The following GPI variants were observed in gnomAD, a reference collection of about 807,000 sequenced individuals.
GPI encodes the protein D-hexose-6-phosphate anomerase.
GPI carries 56 observed loss-of-function variants against 75.8 expected under a neutral mutation model. That is an observed-to-expected ratio of 0.74 (90% confidence interval 0.60 to 0.92). The LOEUF (loss-of-function observed/expected upper bound fraction) is 0.92. Ranked by LOEUF, GPI falls within the 40% of genes least tolerant of loss-of-function variation. GPI has a pLI of 0.00. For missense variants in GPI, 638 were observed against 741.0 expected (o/e 0.86, Z 1.61); for synonymous variants, 288 against 285.4 (o/e 1.01, Z -0.09).
chr19:34,386,477 TGAA>T (rs1284052072), intron 9 of GPI, among the ~76,000 whole-genome samples: 2 of 152,088 alleles, frequency 1.3e-5, no homozygotes, highest in African/African-American at 4.8e-5. Flanking sequence ...AGTAGTCTCT[TGAA>T]GGAGAGCTGA....
intron 4 of GPI, 57 bp downstream of exon 4, chr19:34,368,759 T>C (rs2074406107): frequency 6.2e-7 from 1 of 1,607,340 alleles, no homozygotes; most frequent in Non-Finnish European, 8.5e-7. Flanking sequence ...TATTTGGGAA[T>C]CTGGGAGCCC....
chr19:34,371,547 T>A (rs970311025), intron 4 of GPI, among the ~76,000 whole-genome samples: 1 of 152,020 alleles, frequency 6.6e-6, no homozygotes, highest in Non-Finnish European at 1.5e-5. Context: ...TGGGTGTAAT[T>A]GTAATAAAGA....
chr19:34,387,852 A>G lies in GPI; in HGVS notation c.805-5396A>G, dbSNP rs138664437. ...TGGGTGGGGTCTAGCACAGGAATGC[A>G]TAATGGTGAGGCTGGCCAGGCCTGG... On this transcript the variant is annotated intron_variant, in intron 9 of 17. Coordinates refer to ENST00000356487, the MANE Select transcript of GPI (RefSeq NM_000175.5). 2.6e-4 allele frequency among the ~76,000 whole-genome samples: 39 copies of G among 152,292 alleles called. No homozygotes were observed. In the East Asian group the frequency reaches 7.5e-3, roughly 29 times the overall value.
Position 34,365,197 on chromosome 19 carries a change from C to T in GPI, c.-70C>T, listed in dbSNP as rs944710510. 20 of 1,382,626 alleles carry T rather than the reference C, an allele frequency of 1.4e-5. No homozygotes were observed. The highest frequency in any genetic ancestry group is 2.2e-4 in the Middle Eastern group (1 of 4,496). 85.6% of individuals were successfully genotyped at this position (1,382,626 alleles called of 1,614,324 possible). On this transcript the variant is annotated 5_prime_UTR_variant, in exon 1 of 18. Coordinates refer to ENST00000356487, the MANE Select transcript of GPI (RefSeq NM_000175.5). ...GGCCGCCGCGCGCCCACGCGCCTCG[C>T]TTGCTGCGCGCTGCCGGCGCTCCTT...
At chr19:34,374,217 C>G (rs1309029477) in intron 4 of GPI, among the ~76,000 whole-genome samples, 1 of 147,562 alleles carries the variant, frequency 6.8e-6, no homozygotes, top group Non-Finnish European at 1.5e-5. Context: ...CTCCTGATCT[C>G]AAGTGATCCG....
chr19:34,390,764 T>C (rs961157510), intron 9 of GPI, among the ~76,000 whole-genome samples: 2 of 141,930 alleles, frequency 1.4e-5, no homozygotes, highest in African/African-American at 5.4e-5. Flanking sequence ...GGCACAGGTA[T>C]GAGGATATGG....
chr19:34,383,792 A>C (rs1331372095), intron 9 of GPI, among the ~76,000 whole-genome samples: 2 of 152,142 alleles, frequency 1.3e-5, no homozygotes, highest in East Asian at 3.9e-4. Context: ...AGGGCCAGAG[A>C]CCTGGGTCTA....
chr19:34,399,485 A>G, intron 15 of GPI, 71 bp from the exon 16 acceptor site: 1 of 1,565,654 alleles, frequency 6.4e-7, no homozygotes, highest in Non-Finnish European at 8.8e-7. Context: ...CCTCTGGGGC[A>G]GGGTGTGCTT....
Position 34,400,736 on chromosome 19 carries a change from A to ATTT in GPI, c.*710_*712dup. ...TAAAAGGCAGATATTGAAAACTGGA[A>ATTT]TTTTTTTTTTTTGAGTCTCGCTCTG... On this transcript the variant is annotated 3_prime_UTR_variant, in exon 18 of 18. Transcript: ENST00000356487. 2 of 330,658 alleles carry ATTT rather than the reference A, an allele frequency of 6.0e-6. No individual in the cohort carries two copies. The highest frequency in any genetic ancestry group is 5.4e-6 in the Non-Finnish European group (1 of 183,814). 20.5% of individuals were successfully genotyped at this position (330,658 alleles called of 1,614,324 possible).
At chr19:34,384,745 T>G (rs1310178235) in intron 9 of GPI, among the ~76,000 whole-genome samples, 1 of 152,032 alleles carries the variant, frequency 6.6e-6, no homozygotes, top group Non-Finnish European at 1.5e-5. Flanking sequence ...CCAGGTGGTG[T>G]CAAGACAGAT....
At chr19:34,395,218 T>C (rs2074926733) in intron 12 of GPI, among the ~76,000 whole-genome samples, 1 of 152,042 alleles carries the variant, frequency 6.6e-6, no homozygotes, top group Non-Finnish European at 1.5e-5. Context: ...CATTTAGTTG[T>C]GGTGACAGCC....
At position 34,393,573 on chromosome 19, in the gene GPI, C is replaced by T. The variant is rs891758123; in HGVS notation, c.866-155C>T. 1.3e-5 allele frequency: 10 copies of T among 762,342 alleles called. No individual in the cohort carries two copies. The Admixed American group carries it at 1.8e-4, about 14-fold the overall frequency. 47.2% of individuals were successfully genotyped at this position (762,342 alleles called of 1,614,324 possible). On this transcript the variant is annotated intron_variant, in intron 10 of 17. Coordinates refer to ENST00000356487, the MANE Select transcript of GPI (RefSeq NM_000175.5). The surrounding 1 kb of genome is among the most constrained non-coding windows in gnomAD (Gnocchi z 4.4). ...AGTCAGATCCCTGCACTCAGGGCCA[C>T]CTCTCACTGGAGGGGCTTTGTCTAG...
chr19:34,376,255 C>G (rs1301961379), intron 4 of GPI, among the ~76,000 whole-genome samples: 2 of 152,092 alleles, frequency 1.3e-5, no homozygotes, highest in Admixed American at 1.3e-4. Flanking sequence ...AAGACGCTGT[C>G]TCTACAAAAA....
At chr19:34,374,287 T>A (rs2074500249) in intron 4 of GPI, among the ~76,000 whole-genome samples, 1 of 151,990 alleles carries the variant, frequency 6.6e-6, no homozygotes, top group African/African-American at 2.4e-5. Context: ...CCGGCTACAC[T>A]CTTTGATTTC....
Position 34,365,197 on chromosome 19 carries a change from C to G in GPI, c.-70C>G, listed in dbSNP as rs944710510. 4.3e-6 allele frequency: 6 copies of G among 1,382,624 alleles called. No homozygotes were observed. Among genetic ancestry groups the G allele is most frequent in the Non-Finnish European group, 5.6e-6 (6 of 1,064,334 alleles). 85.6% of individuals were successfully genotyped at this position (1,382,624 alleles called of 1,614,324 possible). On this transcript the variant is annotated 5_prime_UTR_variant, in exon 1 of 18. Coordinates refer to ENST00000356487, the MANE Select transcript of GPI (RefSeq NM_000175.5). ...GGCCGCCGCGCGCCCACGCGCCTCGCTTGCTGCGCGCTGCCGGCGCTCCTT... is the reference window on the plus strand; with the variant it reads ...GGCCGCCGCGCGCCCACGCGCCTCGGTTGCTGCGCGCTGCCGGCGCTCCTT...
At position 34,396,385 on chromosome 19, in the gene GPI, C is replaced by T; in HGVS notation, c.1147C>T (p.Pro383Ser). Residue 383 changes from proline to serine, a missense_variant, in exon 13 of 18, where the codon CCA (proline) becomes TCA (serine). Coordinates refer to ENST00000356487, the MANE Select transcript of GPI (RefSeq NM_000175.5). ...GACAGGCCCCATTGTGTGGGGGGAG[C>T]CAGGGACCAATGGCCAGCATGCTTT... ...HQTGPIVWGE[P>S]GTNGQHAFYQ... is the part of the protein sequence containing the mutation. 6.2e-7 allele frequency: 1 copy of T among 1,614,176 alleles called. No individual in the cohort carries two copies. Among genetic ancestry groups the T allele is most frequent in the Non-Finnish European group, 8.5e-7 (1 of 1,180,022 alleles).
intron 3 of GPI, chr19:34,367,076 G>A: frequency 1.5e-6 from 1 of 689,430 alleles, no homozygotes; most frequent in Non-Finnish European, 2.7e-6. Flanking sequence ...TGTCTGCCTG[G>A]GAGGAGCATA....
Position 34,365,226 on chromosome 19 carries a change from C to A in GPI, c.-41C>A, listed in dbSNP as rs761197420. 2 of 1,447,032 alleles carry A rather than the reference C, an allele frequency of 1.4e-6. No homozygotes were observed. The highest frequency in any genetic ancestry group is 2.8e-5 in the East Asian group (1 of 35,572). 89.6% of individuals were successfully genotyped at this position (1,447,032 alleles called of 1,614,324 possible). A position where few individuals can be genotyped will look rare whatever the true frequency, so the allele number is the denominator to read the frequency against. ...CTGCGCGCTGCCGGCGCTCCTTCCT[C>A]CTCGGCTCGCGTCTCACTCAGTGTA... On this transcript the variant is annotated 5_prime_UTR_variant, in exon 1 of 18. Transcript: ENST00000356487.
intron 6 of GPI, among the ~76,000 whole-genome samples, chr19:34,378,401 G>T (rs558468011): frequency 1.3e-5 from 2 of 151,938 alleles, no homozygotes; most frequent in African/African-American, 4.8e-5. Context: ...TTTTAGTAGA[G>T]ATGGGCTTTT....
Sources: allele counts gnomAD v4.1 joint callset (sites outside exome capture counted in the v4.1 genomes callset), GRCh38; gene constraint gnomAD v4.1.1; non-coding constraint Gnocchi (gnomAD v3.1); transcripts MANE v1.5; gene names NCBI Gene and HGNC (gene_info 2026-07-23, HGNC 2026-07-21).